VPS33A: variants seen among roughly 807,000 people sequenced by gnomAD.
VPS33A encodes vacuolar protein sorting-associated protein 33A.
A neutral mutation model predicts 71.8 loss-of-function variants in VPS33A; 32 were observed. The ratio of observed to expected loss-of-function variants is 0.45; its 90% CI spans 0.34 to 0.60. The LOEUF (loss-of-function observed/expected upper bound fraction) is 0.60, where lower values mean the gene tolerates loss of function less well. VPS33A is among the 20% of genes least tolerant of loss of function. The probability of loss-of-function intolerance (pLI) is 0.02; values close to 1 mark genes in which losing one functional copy is unlikely to be tolerated. For synonymous variants in VPS33A, 311 were observed against 292.7 expected, an observed-to-expected ratio of 1.06 and a Z score of -0.64; for missense variants, 625 against 748.5, an observed-to-expected ratio of 0.84 and a Z score of 1.92.
intron 4 of VPS33A, among the ~76,000 whole-genome samples, chr12:122,258,390 C>T (rs539743223): frequency 3.9e-5 from 6 of 152,088 alleles, no homozygotes; most frequent in South Asian, 2.1e-4. Flanking sequence ...GTGCATCGAA[C>T]GACACCAATC....
intron 10 of VPS33A, 71 bp downstream of exon 10, chr12:122,238,516 C>G (rs1954660122): frequency 1.3e-6 from 2 of 1,533,368 alleles, no homozygotes; most frequent in Non-Finnish European, 1.7e-6. Context: ...GCCACTGTGC[C>G]CGGCCCATGA....
chr12:122,232,281 T>C lies in VPS33A; in HGVS notation c.1756A>G (p.Ser586Gly). ...IATTKLMNGT[S>G]WIEALMEKPF ...TTTTCCATCAGAGCCTCTATCCAAC[T>C]GGTTCCATTCATTAGTTTAGTGGTG... The change falls in exon 13 of 13, where the codon AGT becomes GGT. Residue 586 changes from serine (S) to glycine (G), a missense_variant. By Grantham distance (56) the Ser-to-Gly change is moderately conservative (BLOSUM62 0). Transcript: ENST00000267199. 6.2e-7 allele frequency: 1 copy of C among 1,614,034 alleles called. No individual in the cohort carries two copies. Among genetic ancestry groups the C allele is most frequent in the Non-Finnish European group, 8.5e-7 (1 of 1,179,994 alleles).
chr12:122,238,561 A>G (rs1454012129), intron 10 of VPS33A, 26 bp downstream of exon 10: 28 of 1,593,276 alleles, frequency 1.8e-5, no homozygotes, highest in African/African-American at 2.7e-5. Context: ...CCCCTTGGCA[A>G]ATTAATAATT....
At chr12:122,260,977 AAAAAC>A (rs1397163268) in intron 4 of VPS33A, among the ~76,000 whole-genome samples, 2 of 152,276 alleles carry the variant, frequency 1.3e-5, no homozygotes, top group East Asian at 1.9e-4. Flanking sequence ...TCCGTCTCAA[AAAAAC>A]AAAACAAAAC....
intron 4 of VPS33A, among the ~76,000 whole-genome samples, chr12:122,258,487 TTA>T (rs1954947811): frequency 6.6e-6 from 1 of 152,062 alleles, no homozygotes; most frequent in African/African-American, 2.4e-5. Context: ...TTAGAATCTA[TTA>T]AGAATTCTTA....
At chr12:122,238,002 C>T (rs1315782673) in intron 10 of VPS33A, among the ~76,000 whole-genome samples, 1 of 151,352 alleles carries the variant, frequency 6.6e-6, no homozygotes, top group African/African-American at 2.4e-5. Flanking sequence ...CCAGGCTGGT[C>T]TTGGCCTCCA....
Position 122,261,302 on chromosome 12 carries a change from C to A in VPS33A, c.442G>T (p.Asp148Tyr), listed in dbSNP as rs948866596. ...EEYSLDLIPFDGDLLSMESEG... is the reference protein window; with the variant it reads ...EEYSLDLIPFYGDLLSMESEG... ...GATTCCATGGATAAGAGATCCCCATCGAATGGAATGAGATCTAAGCTGTAC... is the reference window on the plus strand; with the variant it reads ...GATTCCATGGATAAGAGATCCCCATAGAATGGAATGAGATCTAAGCTGTAC... The change falls in exon 4 of 13, where the codon GAT (aspartate) becomes TAT (tyrosine). Residue 148 changes from aspartate to tyrosine, a missense_variant. Transcript: ENST00000267199. 4.3e-6 allele frequency: 7 copies of A among 1,611,302 alleles called. No homozygotes were observed. Among genetic ancestry groups the A allele is most frequent in the Non-Finnish European group, 5.9e-6 (7 of 1,179,232 alleles).
intron 4 of VPS33A, chr12:122,252,900 G>A (rs796089332): frequency 1.4e-4 from 22 of 152,200 alleles, no homozygotes; most frequent in African/African-American, 4.3e-4. Flanking sequence ...AATTATTTAG[G>A]TTTTTTTACA....
chr12:122,238,232 A>C (rs1395430141), intron 10 of VPS33A, among the ~76,000 whole-genome samples: 1 of 151,842 alleles, frequency 6.6e-6, no homozygotes, highest in East Asian at 1.9e-4. Context: ...TTTTATTATT[A>C]TTTTTTGAGA....
At chr12:122,246,616 T>C (rs530562735) in intron 6 of VPS33A, among the ~76,000 whole-genome samples, 34 of 89,380 alleles carry the variant, frequency 3.8e-4, no homozygotes, top group Non-Finnish European at 3.0e-4. Flanking sequence ...GGTTTTTTAA[T>C]TGAGACACAG....
At chr12:122,238,830 TTGA>T (rs1954667906) in intron 9 of VPS33A, 106 bp from the exon 10 acceptor site, 2 of 1,152,552 alleles carry the variant, frequency 1.7e-6, no homozygotes. Flanking sequence ...GGAACTTAAC[TTGA>T]TGTTTATTAT....
intron 7 of VPS33A, 23 bp from the exon 8 acceptor site, chr12:122,242,531 G>C (rs1468496307): frequency 6.3e-7 from 1 of 1,589,034 alleles, no homozygotes; most frequent in Admixed American, 1.7e-5. Flanking sequence ...AGAGAGCAGT[G>C]CCTCAAGCAG....
intron 6 of VPS33A, chr12:122,248,858 CA>C (rs1036005348): frequency 6.6e-6 from 1 of 152,220 alleles, no homozygotes; most frequent in African/African-American, 2.4e-5. Context: ...TCACAGGGGA[CA>C]AGGACCGGCC....
chr12:122,233,075 T>G, intron 11 of VPS33A, 107 bp from the exon 12 acceptor site: 1 of 1,242,976 alleles, frequency 8.0e-7, no homozygotes, highest in Non-Finnish European at 1.1e-6. Context: ...TTTAAAGATA[T>G]ACAACCCCCA....
intron 4 of VPS33A, among the ~76,000 whole-genome samples, chr12:122,251,765 G>T (rs1176399112): frequency 6.6e-6 from 1 of 151,902 alleles, no homozygotes; most frequent in East Asian, 1.9e-4. Flanking sequence ...CACACACCAG[G>T]GCCTGTCGTG....
chr12:122,238,829 C>T, intron 9 of VPS33A, 105 bp from the exon 10 acceptor site: 1 of 1,176,264 alleles, frequency 8.5e-7, no homozygotes, highest in Non-Finnish European at 1.2e-6. Context: ...AGGAACTTAA[C>T]TTGATGTTTA....
rs370529891 is a variant in VPS33A at position 122,240,260 on chromosome 12, G to A, written c.1097-315C>T. On this transcript the variant is annotated intron_variant, in intron 8 of 12. Coordinates refer to ENST00000267199, the MANE Select transcript of VPS33A (RefSeq NM_022916.6). ...CAAGAATCACTTGAGGCGGGGAGGC[G>A]GAGGTTACAGTGAGCCAAGATCACA... Among the ~76,000 whole-genome samples, 8 of 152,180 alleles carry A rather than the reference G, an allele frequency of 5.3e-5. No homozygotes were observed. The South Asian group carries it at 1.0e-3, about 20-fold the overall frequency.
chr12:122,237,612 C>T (rs1437431176), intron 10 of VPS33A, among the ~76,000 whole-genome samples: 2 of 141,858 alleles, frequency 1.4e-5, no homozygotes, highest in African/African-American at 2.8e-5. Context: ...GGCGCAATCT[C>T]GGCTCACTGC....
rs535958321 is a variant in VPS33A at position 122,237,239 on chromosome 12, G to A, written c.1303-1316C>T. On this transcript the variant is annotated intron_variant, in intron 10 of 12. Coordinates refer to ENST00000267199, the MANE Select transcript of VPS33A (RefSeq NM_022916.6). ...ATTTAAGTAAACCTGCTAAGCAACT[G>A]TCATCAGAAATTTGCAGAAAGTTCT... 2.6e-5 allele frequency among the ~76,000 whole-genome samples: 4 copies of A among 152,268 alleles called. No individual in the cohort carries two copies. The South Asian group carries it at 8.3e-4, about 32-fold the overall frequency.
Sources: allele counts gnomAD v4.1 joint callset (sites outside exome capture counted in the v4.1 genomes callset), GRCh38; gene constraint gnomAD v4.1.1; transcripts MANE v1.5; gene names NCBI Gene and HGNC (gene_info 2026-07-23, HGNC 2026-07-21).